Variants in CSPP1 observed in about 807,000 individuals in gnomAD.
The protein encoded by CSPP1 is centrosome and spindle pole-associated protein 1.
A neutral mutation model predicts 164.4 loss-of-function variants in CSPP1; 126 were observed. The observed-to-expected ratio is 0.77, with a 90% confidence interval of 0.66 to 0.89. The LOEUF is 0.89. CSPP1 is among the 40% of genes least tolerant of loss of function. CSPP1 has a pLI of 0.00. For missense variants in CSPP1, 1,395 were observed against 1,449.8 expected, an observed-to-expected ratio of 0.96 and a Z score of 0.61; for synonymous variants, 472 against 476.7, an observed-to-expected ratio of 0.99 and a Z score of 0.13.
In CSPP1 at chr8:67,161,811, C is replaced by T; in HGVS notation, c.2539C>T (p.His847Tyr). ...RDNLIGEETK[H>Y]MRQPSPIVPA... ...CTCTTAAATTTTTTAAATTTTTCAGCACATGAGACAGCCTTCTCCTATAGT... is the reference window on the plus strand; with the variant it reads ...CTCTTAAATTTTTTAAATTTTTCAGTACATGAGACAGCCTTCTCCTATAGT... Residue 847 changes from histidine to tyrosine, a missense_variant and splice_region_variant, in exon 22 of 31, where the codon CAC becomes TAC. Coordinates refer to ENST00000678616, the MANE Select transcript of CSPP1 (RefSeq NM_001382391.1). The T allele has an allele frequency of 6.2e-7, 1 of 1,607,498 alleles. No individual in the cohort carries two copies. The highest frequency in any genetic ancestry group is 8.5e-7 in the Non-Finnish European group (1 of 1,175,328).
At chr8:67,161,345 A>C (rs948429839) in intron 21 of CSPP1, among the ~76,000 whole-genome samples, 4 of 152,176 alleles carry the variant, frequency 2.6e-5, no homozygotes, top group African/African-American at 9.7e-5. Context: ...CTATAAACTG[A>C]AATATAGAAC....
At chr8:67,087,632 T>A (rs981880295) in intron 4 of CSPP1, among the ~76,000 whole-genome samples, 4 of 152,204 alleles carry the variant, frequency 2.6e-5, no homozygotes, top group Non-Finnish European at 4.4e-5. Flanking sequence ...GAGGGTAGAC[T>A]TTAGCTTTGT....
chr8:67,078,133 G>T (rs113720891), intron 3 of CSPP1, among the ~76,000 whole-genome samples: 1 of 151,950 alleles, frequency 6.6e-6, no homozygotes, highest in Non-Finnish European at 1.5e-5. Flanking sequence ...CACTAAGGTC[G>T]CTAAGGTTAG....
chr8:67,141,777 A>G (rs992336742), intron 17 of CSPP1, among the ~76,000 whole-genome samples: 1 of 152,218 alleles, frequency 6.6e-6, no homozygotes, highest in African/African-American at 2.4e-5. Flanking sequence ...GGCCTCCCAA[A>G]GTGCTAGGAT....
At chr8:67,068,904 C>T (rs762881782) in intron 1 of CSPP1, among the ~76,000 whole-genome samples, 5 of 152,208 alleles carry the variant, frequency 3.3e-5, no homozygotes, top group Admixed American at 6.5e-5. Context: ...CCTTTCCCAG[C>T]TGATGTGAAT....
chr8:67,188,391 CAA>C (rs1835273593), intron 28 of CSPP1, among the ~76,000 whole-genome samples: 2 of 152,154 alleles, frequency 1.3e-5, no homozygotes, highest in Non-Finnish European at 2.9e-5. Flanking sequence ...CACACCCAAC[CAA>C]TCAGGTAGTA....
intron 15 of CSPP1, among the ~76,000 whole-genome samples, chr8:67,127,449 A>G (rs1232934374): frequency 2.6e-5 from 4 of 152,096 alleles, no homozygotes; most frequent in Non-Finnish European, 5.9e-5. Flanking sequence ...AGTACATTTA[A>G]TCTCATCACG....
At chr8:67,081,423 A>G (rs1809160357) in intron 3 of CSPP1, among the ~76,000 whole-genome samples, 1 of 151,992 alleles carries the variant, frequency 6.6e-6, no homozygotes, top group South Asian at 2.1e-4. Context: ...TACATGATTT[A>G]GTTCATATAA....
At chr8:67,113,419 A>G (rs541339145) in intron 10 of CSPP1, among the ~76,000 whole-genome samples, 155 of 152,282 alleles carry the variant, frequency 1.0e-3, no homozygotes, top group African/African-American at 3.4e-3. Flanking sequence ...CCCTATTATT[A>G]GGAAGTATGG....
chr8:67,104,260 GTT>G (rs374929933), intron 8 of CSPP1, among the ~76,000 whole-genome samples: 2 of 140,868 alleles, frequency 1.4e-5, no homozygotes, highest in African/African-American at 2.6e-5. Context: ...TCCAAGAAAG[GTT>G]TTTTTTTTTT....
chr8:67,163,943 T>A, intron 23 of CSPP1, 145 bp downstream of exon 23: 1 of 622,364 alleles, frequency 1.6e-6, no homozygotes. Flanking sequence ...TCCCCTGGGG[T>A]AACATCTTAG....
chr8:67,166,315 A>G (rs1205034621), intron 24 of CSPP1, among the ~76,000 whole-genome samples: 1 of 152,194 alleles, frequency 6.6e-6, no homozygotes, highest in African/African-American at 2.4e-5. Flanking sequence ...TAATATATGT[A>G]TGTTATACTA....
chr8:67,146,283 C>G (rs1824544447), intron 17 of CSPP1, among the ~76,000 whole-genome samples: 2 of 151,986 alleles, frequency 1.3e-5, no homozygotes, highest in East Asian at 3.9e-4. Flanking sequence ...GCTACCATGC[C>G]CAGCTAATTA....
chr8:67,144,664 C>A (rs113142062), intron 17 of CSPP1, among the ~76,000 whole-genome samples: 97 of 152,222 alleles, frequency 6.4e-4, no homozygotes, highest in African/African-American at 2.1e-3. Flanking sequence ...CTAGGCTGGT[C>A]TCGAACTCCT....
rs565733430 is a variant in CSPP1 at position 67,166,366 on chromosome 8, A to G, written c.2828+1858A>G. Among the ~76,000 whole-genome samples the G allele has an allele frequency of 5.3e-5, 8 of 152,324 alleles. No individual in the cohort carries two copies. In the South Asian group the frequency reaches 8.3e-4, roughly 16 times the overall value. ...CATATCTATAATTGTTCCTATGTCTATTTGTATACATATTAAGTTTATGCT... is the reference window on the plus strand; with the variant it reads ...CATATCTATAATTGTTCCTATGTCTGTTTGTATACATATTAAGTTTATGCT... On this transcript the variant is annotated intron_variant, in intron 24 of 30. Transcript: ENST00000678616.
At chr8:67,188,102 CAG>C (rs1315717588) in intron 28 of CSPP1, among the ~76,000 whole-genome samples, 1 of 152,162 alleles carries the variant, frequency 6.6e-6, no homozygotes, top group African/African-American at 2.4e-5. Context: ...GAAGACAGGA[CAG>C]AGACTGTAAG....
chr8:67,145,989 G>C (rs1563674050), intron 17 of CSPP1, among the ~76,000 whole-genome samples: 1 of 151,898 alleles, frequency 6.6e-6, no homozygotes, highest in Non-Finnish European at 1.5e-5. Flanking sequence ...GATTTTCATT[G>C]TGACTTTTCT....
chr8:67,074,482 C>T (rs1807480665), intron 2 of CSPP1, 131 bp downstream of exon 2: 2 of 535,084 alleles, frequency 3.7e-6, no homozygotes, highest in Middle Eastern at 5.1e-4. Context: ...ATTCTAGGAG[C>T]CTGACTCCAG....
At chr8:67,098,746 A>G (rs1462144978) in intron 7 of CSPP1, among the ~76,000 whole-genome samples, 1 of 152,046 alleles carries the variant, frequency 6.6e-6, no homozygotes, top group Non-Finnish European at 1.5e-5. Flanking sequence ...TGAACTGTAG[A>G]AGTTAATATT....
Sources: gnomAD v4.1 joint callset for allele counts (sites outside exome capture counted in the v4.1 genomes callset) on GRCh38, gnomAD v4.1.1 for gene constraint, MANE v1.5 for transcripts, NCBI Gene and HGNC (gene_info 2026-07-23, HGNC 2026-07-21) for gene names.